The following KIAA1217 variants were observed in gnomAD, a reference collection of about 807,000 sequenced individuals.
KIAA1217 encodes the protein sickle tail protein homolog.
Under a neutral mutation model 163.9 loss-of-function variants are expected in KIAA1217, and 88 were observed. That is an observed-to-expected ratio of 0.54 (90% confidence interval 0.45 to 0.64). The LOEUF is 0.64. Ranked by LOEUF, KIAA1217 falls within the 30% of genes least tolerant of loss-of-function variation. The pLI is 0.00. For missense variants in KIAA1217, 2,372 were observed against 2,475.0 expected (o/e 0.96, Z 0.88); for synonymous variants, 903 against 923.1 (o/e 0.98, Z 0.39).
At chr10:24,064,692 A>T (rs1257731806) in intron 2 of KIAA1217, among the ~76,000 whole-genome samples, 1 of 152,016 alleles carries the variant, frequency 6.6e-6, no homozygotes, top group Non-Finnish European at 1.5e-5. Context: ...TTTTCTATTG[A>T]TTGGAATAGT....
intron 1 of KIAA1217, among the ~76,000 whole-genome samples, chr10:23,928,737 A>G (rs1843131609): frequency 6.6e-6 from 1 of 152,222 alleles, no homozygotes; most frequent in African/African-American, 2.4e-5. Context: ...AGACAAGGAA[A>G]CTGAGACACT....
At chr10:23,988,067 G>A (rs1846059167) in intron 1 of KIAA1217, among the ~76,000 whole-genome samples, 1 of 151,886 alleles carries the variant, frequency 6.6e-6, no homozygotes, top group South Asian at 2.1e-4. Context: ...AAGCAGCGTG[G>A]ATCCTTCTCA....
At chr10:23,904,275 T>A (rs945689807) in intron 1 of KIAA1217, among the ~76,000 whole-genome samples, 1 of 152,180 alleles carries the variant, frequency 6.6e-6, no homozygotes, top group African/African-American at 2.4e-5. Context: ...GGCAATGAAA[T>A]GACAAGACTG....
At chr10:23,799,972 C>T (rs551865681) in intron 1 of KIAA1217, among the ~76,000 whole-genome samples, 50 of 152,270 alleles carry the variant, frequency 3.3e-4, no homozygotes, top group African/African-American at 1.2e-3. Flanking sequence ...AAAGTGATTT[C>T]TTTTGCCTCG....
chr10:23,828,569 G>A (rs961782252), intron 1 of KIAA1217, among the ~76,000 whole-genome samples: 1 of 152,202 alleles, frequency 6.6e-6, no homozygotes, highest in Admixed American at 6.5e-5. Context: ...GTCTAAAAGA[G>A]GAAGCTGTGT....
intron 2 of KIAA1217, among the ~76,000 whole-genome samples, chr10:24,241,654 T>C (rs955472613): frequency 6.6e-6 from 1 of 152,200 alleles, no homozygotes; most frequent in Admixed American, 6.5e-5. Flanking sequence ...TTATTCCTTC[T>C]GTATTCTAGA....
rs146902380 is a variant in KIAA1217, at chr10:23,811,737, G to A, written c.-321+116503G>A. 2.3e-4 allele frequency among the ~76,000 whole-genome samples: 35 copies of A among 152,074 alleles called. No homozygotes were observed. In the East Asian group the frequency reaches 6.8e-3, roughly 30 times the overall value. ...ACATGAATGCTAGAGACACTCAAGA[G>A]GTGGAATTATAAGACCCTGCTGATG... On this transcript the variant is annotated intron_variant, in intron 1 of 18. Transcript: ENST00000376462.
At chr10:23,997,674 G>A (rs555125999) in intron 1 of KIAA1217, among the ~76,000 whole-genome samples, 10 of 152,308 alleles carry the variant, frequency 6.6e-5, no homozygotes, top group Admixed American at 4.6e-4. Context: ...TAGATAGAGA[G>A]ATGTAACAGA....
intron 1 of KIAA1217, among the ~76,000 whole-genome samples, chr10:23,993,749 T>C (rs1017438773): frequency 6.6e-6 from 1 of 151,670 alleles, no homozygotes; most frequent in African/African-American, 2.4e-5. Flanking sequence ...AAAAATACAT[T>C]TGGATTTTTA....
intron 3 of KIAA1217, among the ~76,000 whole-genome samples, chr10:24,412,348 A>T (rs1367095931): frequency 1.3e-5 from 2 of 152,122 alleles, no homozygotes; most frequent in African/African-American, 4.8e-5. Context: ...TTCCCCCTCA[A>T]GCTACTGGCC....
intron 16 of KIAA1217, among the ~76,000 whole-genome samples, chr10:24,533,822 T>A (rs939292308): frequency 2.0e-5 from 3 of 152,246 alleles, no homozygotes; most frequent in African/African-American, 7.2e-5. Flanking sequence ...ATTTATTTTT[T>A]AACTATGACA....
At chr10:23,871,249 G>A (rs1840443255) in intron 1 of KIAA1217, among the ~76,000 whole-genome samples, 2 of 152,146 alleles carry the variant, frequency 1.3e-5, no homozygotes, top group South Asian at 4.2e-4. Context: ...AATATCTGCT[G>A]AAGAGTCATT....
intron 1 of KIAA1217, among the ~76,000 whole-genome samples, chr10:23,807,524 G>A (rs1388710549): frequency 6.6e-6 from 1 of 152,178 alleles, no homozygotes; most frequent in Non-Finnish European, 1.5e-5. Flanking sequence ...ATCCTACCTG[G>A]ATGTGAAGTT....
intron 2 of KIAA1217, among the ~76,000 whole-genome samples, chr10:24,110,951 T>C (rs1200138084): frequency 6.6e-6 from 1 of 152,270 alleles, no homozygotes; most frequent in Non-Finnish European, 1.5e-5. Context: ...AATTTTTTTC[T>C]TTATGCATTC....
At chr10:23,905,931 G>A (rs189453903) in intron 1 of KIAA1217, among the ~76,000 whole-genome samples, 6 of 152,218 alleles carry the variant, frequency 3.9e-5, no homozygotes, top group Middle Eastern at 3.4e-3. Flanking sequence ...GAACAGAAAT[G>A]TATTTTCTCA....
intron 1 of KIAA1217, among the ~76,000 whole-genome samples, chr10:23,914,390 C>T (rs1169083877): frequency 6.6e-6 from 1 of 152,188 alleles, no homozygotes; most frequent in Non-Finnish European, 1.5e-5. Flanking sequence ...TCATAGCTCA[C>T]TGCAGCCTCC....
At chr10:24,397,324 G>A (rs927026932) in intron 3 of KIAA1217, among the ~76,000 whole-genome samples, 7 of 151,996 alleles carry the variant, frequency 4.6e-5, no homozygotes, top group Admixed American at 2.0e-4. Context: ...TCCTGACCTC[G>A]CGATCCACCC....
At chr10:23,931,498 C>T (rs917620123) in intron 1 of KIAA1217, among the ~76,000 whole-genome samples, 1 of 152,184 alleles carries the variant, frequency 6.6e-6, no homozygotes, top group Non-Finnish European at 1.5e-5. Flanking sequence ...ATAGTGTGAG[C>T]TTTATCCACC....
chr10:24,545,204 G>C, intron 20 of KIAA1217, 101 bp downstream of exon 20: 1 of 1,527,246 alleles, frequency 6.5e-7, no homozygotes, highest in Non-Finnish European at 8.8e-7. Context: ...GTAAGATAAC[G>C]GTTTACATAG....
Sources: gnomAD v4.1 joint callset for allele counts (sites outside exome capture counted in the v4.1 genomes callset) on GRCh38, gnomAD v4.1.1 for gene constraint, MANE v1.5 for transcripts, NCBI Gene and HGNC (gene_info 2026-07-23, HGNC 2026-07-21) for gene names.